RAB38: variants seen among roughly 807,000 people sequenced by gnomAD.
The protein encoded by RAB38 is ras-related protein Rab-38.
RAB38 carries 15 observed loss-of-function variants against 18.4 expected under a neutral mutation model. The observed-to-expected ratio is 0.82, with a 90% confidence interval of 0.55 to 1.26. The LOEUF (loss-of-function observed/expected upper bound fraction) is 1.26, where lower values mean the gene tolerates loss of function less well. Among genes scored for constraint, RAB38 ranks in the 50% most tolerant of loss-of-function variants. RAB38 has a pLI of 0.00. For synonymous variants in RAB38, 101 were observed against 104.4 expected (o/e 0.97, Z 0.20); for missense variants, 294 against 267.4 (o/e 1.10, Z -0.69).
At chr11:87,810,491 C>A in the RAB38 span, among the ~76,000 whole-genome samples, 3 of 152,052 alleles carry the variant, frequency 2.0e-5, no homozygotes, top group African/African-American at 7.3e-5. Context: ...ACCAATAATC[C>A]CTATTATTTT....
the RAB38 span, among the ~76,000 whole-genome samples, chr11:87,869,840 T>C: frequency 6.6e-6 from 1 of 151,662 alleles, no homozygotes; most frequent in Non-Finnish European, 1.5e-5. Flanking sequence ...TATTATTTTA[T>C]TACCACATTC....
chr11:88,045,270 C>T, the RAB38 span, among the ~76,000 whole-genome samples: 1 of 152,176 alleles, frequency 6.6e-6, no homozygotes, highest in Non-Finnish European at 1.5e-5. Context: ...CACAACAGGA[C>T]TTAATTAAAC....
At chr11:88,088,481 CT>C in the RAB38 span, among the ~76,000 whole-genome samples, 2 of 151,738 alleles carry the variant, frequency 1.3e-5, no homozygotes, top group Non-Finnish European at 2.9e-5. Context: ...ATCAGGTGAT[CT>C]TTTTTTAAAG....
chr11:88,141,909 G>C (rs557480712), intron 2 of RAB38, among the ~76,000 whole-genome samples: 178 of 152,258 alleles, frequency 1.2e-3, no homozygotes, highest in African/African-American at 4.1e-3. Context: ...GGCCTCTACA[G>C]GTTTCCTCAA....
chr11:88,120,909 G>A (rs1283198593), intron 2 of RAB38, among the ~76,000 whole-genome samples: 4 of 152,146 alleles, frequency 2.6e-5, no homozygotes, highest in Non-Finnish European at 5.9e-5. Flanking sequence ...TATTAGAGAG[G>A]AGGGGAACTT....
chr11:87,926,489 C>A, the RAB38 span, among the ~76,000 whole-genome samples: 2 of 150,228 alleles, frequency 1.3e-5, 1 homozygote, highest in South Asian at 4.3e-4. Context: ...TACTCTAATT[C>A]TAAATAAGTC....
chr11:87,939,375 T>TATATACAC, the RAB38 span, among the ~76,000 whole-genome samples: 1 of 102,012 alleles, frequency 9.8e-6, no homozygotes, highest in Non-Finnish European at 2.1e-5. Context: ...AACACACACA[T>TATATACAC]ACATACACAC....
the RAB38 span, among the ~76,000 whole-genome samples, chr11:87,936,596 A>C: frequency 6.6e-6 from 1 of 152,074 alleles, no homozygotes; most frequent in African/African-American, 2.4e-5. Flanking sequence ...GCAAGTTTTG[A>C]AATTTGGGTA....
At chr11:88,031,019 G>C in the RAB38 span, among the ~76,000 whole-genome samples, 144 of 150,536 alleles carry the variant, frequency 9.6e-4, 1 homozygote, top group African/African-American at 3.4e-3. Context: ...ACATCAAAAA[G>C]CTTATCCACC....
chr11:88,016,302 TA>T, the RAB38 span, among the ~76,000 whole-genome samples: 1 of 152,248 alleles, frequency 6.6e-6, no homozygotes, highest in South Asian at 2.1e-4. Context: ...TCTCACCTGG[TA>T]ACAGTAGAAT....
the RAB38 span, among the ~76,000 whole-genome samples, chr11:88,037,982 T>C: frequency 6.6e-6 from 1 of 152,322 alleles, no homozygotes; most frequent in East Asian, 1.9e-4. Flanking sequence ...TAAATTGTCT[T>C]ATAGTTATGT....
At position 88,175,435 on chromosome 11, in the gene RAB38, G is replaced by T. The variant is rs770155396; in HGVS notation, c.-51C>A. On this transcript the variant is annotated 5_prime_UTR_variant, in exon 1 of 3. Coordinates refer to ENST00000243662, the MANE Select transcript of RAB38 (RefSeq NM_022337.3). ...GCCTGACCAGGGAAGCGCAGCCTGG[G>T]CTCTGCGCACGAGAGAGACTTGGGG... 1 of 1,594,240 alleles carries T rather than the reference G, an allele frequency of 6.3e-7. No individual in the cohort carries two copies. The highest frequency in any genetic ancestry group is 2.2e-5 in the East Asian group (1 of 44,608).
chr11:88,154,178 G>A (rs972672983), intron 1 of RAB38, among the ~76,000 whole-genome samples: 4 of 152,186 alleles, frequency 2.6e-5, no homozygotes, highest in Non-Finnish European at 5.9e-5. Flanking sequence ...GACATTGTGA[G>A]GAAAAGACGT....
the RAB38 span, among the ~76,000 whole-genome samples, chr11:87,943,048 A>C: frequency 1.3e-5 from 2 of 152,154 alleles, no homozygotes; most frequent in African/African-American, 4.8e-5. Context: ...AGAAAGTCGT[A>C]AAAATGAATG....
At chr11:88,042,254 AG>A in the RAB38 span, among the ~76,000 whole-genome samples, 41 of 152,222 alleles carry the variant, frequency 2.7e-4, no homozygotes, top group Non-Finnish European at 4.7e-4. Context: ...TCTGCATGGG[AG>A]ATAGCCCCCA....
chr11:87,829,137 G>C, the RAB38 span, among the ~76,000 whole-genome samples: 1 of 152,278 alleles, frequency 6.6e-6, no homozygotes, highest in East Asian at 1.9e-4. Context: ...TCCTGCAAAG[G>C]AGTTGGTATT....
chr11:88,116,953 A>C (rs1005881961), intron 2 of RAB38, among the ~76,000 whole-genome samples: 13 of 152,190 alleles, frequency 8.5e-5, no homozygotes, highest in African/African-American at 3.1e-4. Flanking sequence ...GAGAAAAAGA[A>C]CTGAAACCTA....
chr11:88,120,471 C>T (rs1015166921), intron 2 of RAB38, among the ~76,000 whole-genome samples: 4 of 152,150 alleles, frequency 2.6e-5, no homozygotes, highest in Non-Finnish European at 4.4e-5. Context: ...GTGAATGTGA[C>T]GCAGAGAAGC....
chr11:87,896,946 T>G, the RAB38 span, among the ~76,000 whole-genome samples: 2 of 151,670 alleles, frequency 1.3e-5, no homozygotes, highest in African/African-American at 4.8e-5. Context: ...AGTGTTTCAT[T>G]AATAGTTTAC....
Sources: gnomAD v4.1 joint callset for allele counts (sites outside exome capture counted in the v4.1 genomes callset) on GRCh38, gnomAD v4.1.1 for gene constraint, MANE v1.5 for transcripts, NCBI Gene and HGNC (gene_info 2026-07-23, HGNC 2026-07-21) for gene names.